Variants in TDP1 observed in about 807,000 individuals in gnomAD.
TDP1 encodes the protein tyr-DNA phosphodiesterase 1.
TDP1 carries 64 observed loss-of-function variants against 81.5 expected under a neutral mutation model. That is an observed-to-expected ratio of 0.79 (90% CI 0.64 to 0.97). The LOEUF is 0.97. Among genes scored for constraint, TDP1 ranks in the 50% least tolerant of loss-of-function variants. The pLI is 0.00. For missense variants in TDP1, 723 were observed against 743.8 expected (o/e 0.97, Z 0.33); for synonymous variants, 256 against 264.3 (o/e 0.97, Z 0.30).
Position 90,033,145 on chromosome 14 carries a change from G to A in TDP1, c.1684G>A (p.Gly562Ser). ...CAAAGTGAAACAGAAGTTCTTCGCT[G>A]GCAGCCAGGAGCCAATGGCCACCTT... The part of the protein sequence containing the change: ...SFKVKQKFFA[G>S]SQEPMATFPV... Residue 562 changes from glycine (G) to serine (S), a missense_variant, in exon 16 of 17, where the codon GGC becomes AGC. By Grantham distance (56) the Gly-to-Ser change is moderately conservative (BLOSUM62 0). Coordinates refer to ENST00000335725, the MANE Select transcript of TDP1 (RefSeq NM_018319.4). 1 of 1,613,522 alleles carries A rather than the reference G, an allele frequency of 6.2e-7. No homozygotes were observed. The highest frequency in any genetic ancestry group is 8.5e-7 in the Non-Finnish European group (1 of 1,179,548).
chr14:89,978,983 A>G (rs946336469), intron 7 of TDP1, among the ~76,000 whole-genome samples: 4 of 150,646 alleles, frequency 2.7e-5, no homozygotes, highest in African/African-American at 7.5e-5. Flanking sequence ...TTTTTATGAT[A>G]ATTTCATCCT....
intron 15 of TDP1, among the ~76,000 whole-genome samples, chr14:90,030,030 G>A (rs1887103698): frequency 6.6e-6 from 1 of 152,162 alleles, no homozygotes; most frequent in South Asian, 2.1e-4. Context: ...TTTCATAAAC[G>A]AGGAAACCAG....
chr14:89,966,221 G>T (rs1373085436), intron 4 of TDP1, 31 bp downstream of exon 4: 1 of 1,487,376 alleles, frequency 6.7e-7, no homozygotes, highest in Non-Finnish European at 9.4e-7. Context: ...TTTTTTCTTT[G>T]GGTGAAAGTA....
chr14:90,011,961 C>G (rs560650726), intron 14 of TDP1, among the ~76,000 whole-genome samples: 1 of 152,370 alleles, frequency 6.6e-6, no homozygotes, highest in South Asian at 2.1e-4. Flanking sequence ...CAGGGCATGT[C>G]AGAAGTCTTC....
chr14:89,998,167 TACA>T (rs1896799056), intron 14 of TDP1, among the ~76,000 whole-genome samples: 1 of 151,882 alleles, frequency 6.6e-6, no homozygotes, highest in Admixed American at 6.6e-5. Context: ...CACTTCATAA[TACA>T]ACATTTTGGA....
At chr14:89,987,033 G>A (rs1022832128) in intron 10 of TDP1, 1 of 152,232 alleles carries the variant, frequency 6.6e-6, no homozygotes, top group Non-Finnish European at 1.5e-5. Context: ...CTTCTGCAGT[G>A]TTTTAGCTGG....
intron 5 of TDP1, among the ~76,000 whole-genome samples, chr14:89,968,018 T>C (rs1293946113): frequency 2.0e-5 from 3 of 152,086 alleles, no homozygotes. Context: ...GCAAGTAGGA[T>C]GGAGGAAAAC....
At chr14:90,009,150 C>T (rs529475100) in intron 14 of TDP1, among the ~76,000 whole-genome samples, 1 of 152,258 alleles carries the variant, frequency 6.6e-6, no homozygotes, top group African/African-American at 2.4e-5. Flanking sequence ...AAATTTGTGT[C>T]TTCACTGAAG....
intron 9 of TDP1, 174 bp downstream of exon 9, chr14:89,984,857 A>G (rs944227738): frequency 1.9e-5 from 19 of 985,336 alleles, no homozygotes; most frequent in Non-Finnish European, 2.2e-5. Flanking sequence ...GTTCTCAGGC[A>G]TTAAAGTGAC....
rs182938043 is a variant in TDP1 at position 90,002,717 on chromosome 14, A to C, written c.1541+9234A>C. 3.2e-3 allele frequency among the ~76,000 whole-genome samples: 490 copies of C among 151,572 alleles called. 5 individuals carry two copies. Among genetic ancestry groups the C allele is most frequent in the African/African-American group, 0.012 (478 of 41,360 alleles). On this transcript the variant is annotated intron_variant, in intron 14 of 16. Coordinates refer to ENST00000335725, the MANE Select transcript of TDP1 (RefSeq NM_018319.4). ...AAACCCCATCTCTACAAAAAAAAAA[A>C]AAAAGGCGGGGGATGCTTGGTGGTG...
intron 10 of TDP1, 41 bp from the exon 11 acceptor site, chr14:89,988,863 AT>A: frequency 6.2e-7 from 1 of 1,613,416 alleles, no homozygotes; most frequent in South Asian, 1.1e-5. Flanking sequence ...TTCTGTTAAG[AT>A]TATTTGAGTC....
In TDP1 at chr14:89,971,158, T is replaced by G; in HGVS notation, c.660-17T>G. On this transcript the variant is annotated splice_polypyrimidine_tract_variant and intron_variant, in intron 5 of 16. Coordinates refer to ENST00000335725, the MANE Select transcript of TDP1 (RefSeq NM_018319.4). ...GCCATGAATGATGTATATTAAATACTAATGCTCTCTTTTTAGGAAGAAGCC... is the reference window on the plus strand; with the variant it reads ...GCCATGAATGATGTATATTAAATACGAATGCTCTCTTTTTAGGAAGAAGCC... 1.2e-6 allele frequency: 2 copies of G among 1,606,634 alleles called. No individual in the cohort carries two copies. The highest frequency in any genetic ancestry group is 1.7e-6 in the Non-Finnish European group (2 of 1,173,608).
intron 14 of TDP1, among the ~76,000 whole-genome samples, chr14:90,015,891 A>G (rs1885253742): frequency 6.6e-6 from 1 of 152,180 alleles, no homozygotes; most frequent in Non-Finnish European, 1.5e-5. Flanking sequence ...TCTGGGGGAC[A>G]CAAACATTCA....
rs757314572 is a variant in TDP1, at chr14:89,998,420, ATATGTATGTATG to A, written c.1541+4949_1541+4960del. ...TATATATATATATATATATATATAT[ATATGTATGTATG>A]TATGTATGTATATGTATATGTATAT... On this transcript the variant is annotated intron_variant, in intron 14 of 16. Transcript: ENST00000335725. 2.5e-5 allele frequency among the ~76,000 whole-genome samples: 2 copies of A among 79,302 alleles called. 1 individual carries two copies. Among genetic ancestry groups the A allele is most frequent in the African/African-American group, 1.3e-4 (2 of 15,612 alleles). 52.0% of individuals were successfully genotyped at this position (79,302 alleles called of 152,430 possible).
intron 13 of TDP1, 28 bp from the exon 14 acceptor site, chr14:89,993,348 T>TA: frequency 6.4e-7 from 1 of 1,556,624 alleles, no homozygotes; most frequent in African/African-American, 1.4e-5. Flanking sequence ...ATTTCATAAT[T>TA]AGTAACTTTT....
intron 15 of TDP1, among the ~76,000 whole-genome samples, chr14:90,030,670 G>A (rs1175230030): frequency 1.3e-5 from 2 of 152,170 alleles, no homozygotes; most frequent in Non-Finnish European, 2.9e-5. Flanking sequence ...CATTTCTACA[G>A]ATCGGTATTT....
At position 89,989,444 on chromosome 14, in the gene TDP1, A is replaced by C. The variant is rs34501614; in HGVS notation, c.1318-273A>C. On this transcript the variant is annotated intron_variant, in intron 11 of 16. Transcript: ENST00000335725. ...TATGGGCATTTTAATTATTTAGAGA[A>C]CTGTGAATTAATAATTAATTTTCCA... The C allele has an allele frequency of 1.4e-3, 1,364 of 980,914 alleles. 12 individuals are homozygous for C. In the African/African-American group the frequency reaches 0.022, roughly 16 times the overall value. The allele number at this position is 980,914 out of a possible 1,614,324, so 60.8% of individuals were successfully genotyped here. A position where few individuals can be genotyped will look rare whatever the true frequency, so the allele number is the denominator to read the frequency against.
intron 4 of TDP1, chr14:89,966,887 G>T: frequency 1.7e-6 from 1 of 597,600 alleles, no homozygotes; most frequent in African/African-American, 2.0e-5. Context: ...ATTGTTAGAA[G>T]CCTAGTGAAT....
At chr14:90,033,516 A>C in intron 16 of TDP1, 1 of 392,288 alleles carries the variant, frequency 2.5e-6, no homozygotes, top group South Asian at 2.1e-5. Flanking sequence ...CGTCAAATCT[A>C]CTGAGCACCA....
Sources: allele counts gnomAD v4.1 joint callset (sites outside exome capture counted in the v4.1 genomes callset), GRCh38; gene constraint gnomAD v4.1.1; transcripts MANE v1.5; gene names NCBI Gene and HGNC (gene_info 2026-07-23, HGNC 2026-07-21).